The following MBD5 variants were observed in gnomAD, a reference collection of about 807,000 sequenced individuals.
MBD5 encodes the protein methyl-CpG-binding domain protein 5.
In MBD5, 13 loss-of-function variants were observed where a neutral mutation model predicts 117.3. The observed-to-expected ratio is 0.11, with a 90% CI of 0.07 to 0.18. The LOEUF (loss-of-function observed/expected upper bound fraction) is 0.18. Ranked by LOEUF, MBD5 falls within the 10% of genes least tolerant of loss-of-function variation. The pLI, the probability that MBD5 is intolerant of heterozygous loss-of-function variation, is 1.00. For missense variants in MBD5, 1,879 were observed against 2,093.8 expected, an observed-to-expected ratio of 0.90 and a Z score of 2.00; for synonymous variants, 727 against 766.4, an observed-to-expected ratio of 0.95 and a Z score of 0.85.
Position 148,070,106 on chromosome 2 carries a change from C to A in MBD5, c.-925+48422C>A, listed in dbSNP as rs188565903. Among the ~76,000 whole-genome samples, 39 of 152,324 alleles carry A rather than the reference C, an allele frequency of 2.6e-4. No individual in the cohort carries two copies. In the East Asian group the frequency reaches 6.9e-3, roughly 27 times the overall value. On this transcript the variant is annotated intron_variant, in intron 1 of 13. Transcript: ENST00000642680. Reference sequence around the variant, plus strand: ...CTTCATCCTCTCCATTCCCCCACCACAAACAGCCTACTTAGCCTCTGGTTA... The same window carrying A: ...CTTCATCCTCTCCATTCCCCCACCAAAAACAGCCTACTTAGCCTCTGGTTA...
chr2:148,294,230 T>G lies in MBD5; in HGVS notation c.-679-47984T>G, dbSNP rs1345288363. ...TTTTTTTTTTTTTTTTTTTTTTTTT[T>G]TTTTTTTTTTTTGAGACAGAGTCTT... On this transcript the variant is annotated intron_variant, in intron 3 of 13. Transcript: ENST00000642680. Among the ~76,000 whole-genome samples the G allele has an allele frequency of 7.6e-3, 237 of 31,204 alleles. 6 individuals carry two copies. Among genetic ancestry groups the G allele is most frequent in the Middle Eastern group, 0.021 (1 of 48 alleles). 20.5% of individuals were successfully genotyped at this position (31,204 alleles called of 152,430 possible).
chr2:148,222,059 A>G (rs1334863054), intron 2 of MBD5, among the ~76,000 whole-genome samples: 1 of 152,064 alleles, frequency 6.6e-6, no homozygotes, highest in Non-Finnish European at 1.5e-5. Context: ...GTTGAAAATG[A>G]GTTTACTGTA....
intron 2 of MBD5, among the ~76,000 whole-genome samples, chr2:148,225,914 A>C (rs1451346179): frequency 2.6e-5 from 4 of 152,238 alleles, no homozygotes; most frequent in Non-Finnish European, 5.9e-5. Context: ...CAATTATTAA[A>C]TGCCTTAGGG....
chr2:148,180,438 G>A (rs1698504210), intron 2 of MBD5, among the ~76,000 whole-genome samples: 2 of 150,028 alleles, frequency 1.3e-5, no homozygotes, highest in East Asian at 2.0e-4. Context: ...CTGGGCTCCA[G>A]CAATCCTCCC....
At chr2:148,215,724 T>G (rs1699537580) in intron 2 of MBD5, among the ~76,000 whole-genome samples, 1 of 151,110 alleles carries the variant, frequency 6.6e-6, no homozygotes, top group African/African-American at 2.4e-5. Flanking sequence ...AAACAAAGTT[T>G]TGCTATATCG....
intron 2 of MBD5, among the ~76,000 whole-genome samples, chr2:148,200,159 T>C (rs540515013): frequency 6.6e-6 from 1 of 152,210 alleles, no homozygotes; most frequent in East Asian, 1.9e-4. Context: ...CTATTTTAAA[T>C]TGCAGTCCCC....
rs374425990 is a variant in MBD5 at position 148,435,786 on chromosome 2, T to A, written c.-556-22417T>A. On this transcript the variant is annotated intron_variant, in intron 4 of 13. Coordinates refer to ENST00000642680, the MANE Select transcript of MBD5 (RefSeq NM_001378120.1). ...CATTTATTGAATTTGAATGTTGGCC[T>A]CTCTAGTGAGATTGGGAAAGTTTTC... Among the ~76,000 whole-genome samples, 19 of 152,312 alleles carry A rather than the reference T, an allele frequency of 1.2e-4. 2 individuals carry two copies. Among genetic ancestry groups the A allele is most frequent in the African/African-American group, 2.6e-4 (11 of 41,596 alleles).
chr2:148,139,882 A>G (rs139660429), intron 1 of MBD5, among the ~76,000 whole-genome samples: 224 of 152,328 alleles, frequency 1.5e-3, no homozygotes, highest in African/African-American at 5.0e-3. Flanking sequence ...CTGCTGCTCA[A>G]TAGTAATGGC....
At chr2:148,101,467 GA>G (rs910773100) in intron 1 of MBD5, among the ~76,000 whole-genome samples, 1 of 149,360 alleles carries the variant, frequency 6.7e-6, no homozygotes, top group Non-Finnish European at 1.5e-5. Flanking sequence ...GTCCCTAAAA[GA>G]AAAAAAAATC....
chr2:148,086,189 T>TTGTG lies in MBD5; in HGVS notation c.-925+64521_-925+64524dup, dbSNP rs35844154. Among the ~76,000 whole-genome samples, 360 of 149,898 alleles carry TTGTG rather than the reference T, an allele frequency of 2.4e-3. 3 individuals carry two copies. Among genetic ancestry groups the TTGTG allele is most frequent in the African/African-American group, 3.8e-3 (154 of 40,860 alleles). ...TATATATTTTATGTTTAAAATGTGT[T>TTGTG]TGTGTGTGTGTGTGTGTGTATGGTT... On this transcript the variant is annotated intron_variant, in intron 1 of 13. Transcript: ENST00000642680.
intron 1 of MBD5, among the ~76,000 whole-genome samples, chr2:148,048,772 T>A (rs1423411963): frequency 1.3e-5 from 2 of 152,128 alleles, no homozygotes; most frequent in African/African-American, 4.8e-5. Flanking sequence ...CAGGGGAAAC[T>A]CTGTGGTTGA....
intron 4 of MBD5, among the ~76,000 whole-genome samples, chr2:148,451,226 G>T (rs1706717854): frequency 6.6e-6 from 1 of 152,116 alleles, no homozygotes; most frequent in African/African-American, 2.4e-5. Flanking sequence ...AGAGTTATTG[G>T]ATCGCTTACA....
At chr2:148,208,035 G>A (rs1386574840) in intron 2 of MBD5, among the ~76,000 whole-genome samples, 1 of 152,086 alleles carries the variant, frequency 6.6e-6, no homozygotes, top group Non-Finnish European at 1.5e-5. Context: ...AATCCAGTGG[G>A]TCCAGTGTGT....
intron 4 of MBD5, among the ~76,000 whole-genome samples, chr2:148,445,012 T>C (rs1215072174): frequency 6.6e-6 from 1 of 151,250 alleles, no homozygotes; most frequent in Non-Finnish European, 1.5e-5. Context: ...CCTTGCTTGC[T>C]CCTTTGTCTC....
intron 3 of MBD5, among the ~76,000 whole-genome samples, chr2:148,306,484 C>T (rs1701898855): frequency 6.6e-6 from 1 of 151,862 alleles, no homozygotes; most frequent in African/African-American, 2.4e-5. Flanking sequence ...ACTATATTGC[C>T]ATAAAAATAA....
intron 2 of MBD5, among the ~76,000 whole-genome samples, chr2:148,218,458 A>G (rs1247081847): frequency 1.3e-5 from 2 of 152,210 alleles, no homozygotes; most frequent in Non-Finnish European, 2.9e-5. Flanking sequence ...CAAAGCACAG[A>G]GAGGTGCACA....
chr2:148,091,419 T>A (rs145149861), intron 1 of MBD5, among the ~76,000 whole-genome samples: 1 of 152,272 alleles, frequency 6.6e-6, no homozygotes, highest in East Asian at 1.9e-4. Flanking sequence ...ACTACAAGGC[T>A]ATAGTTACCA....
In MBD5 at chr2:148,469,032, T is replaced by C. The variant is rs1680693758; in HGVS notation, c.1089T>C (p.Pro363=). 6.2e-7 allele frequency: 1 copy of C among 1,613,782 alleles called. No homozygotes were observed. The change falls in exon 8 of 14, where the codon CCT becomes CCC. Residue 363 remains proline, a synonymous_variant. Coordinates refer to ENST00000642680, the MANE Select transcript of MBD5 (RefSeq NM_001378120.1). ...SEKDPLGILD[P]IPSKPVNQNP... The stretch of plus-strand genomic sequence containing the variant: ...AAGATCCACTTGGCATTCTTGACCC[T>C]ATTCCTAGTAAACCAGTGAATCAGA...
intron 3 of MBD5, among the ~76,000 whole-genome samples, chr2:148,270,059 CA>C (rs1457468591): frequency 6.6e-6 from 1 of 151,966 alleles, no homozygotes; most frequent in Non-Finnish European, 1.5e-5. Context: ...ATAAGTTTTT[CA>C]AAGTTATTTT....
Sources: allele counts gnomAD v4.1 joint callset (sites outside exome capture counted in the v4.1 genomes callset), GRCh38; gene constraint gnomAD v4.1.1; transcripts MANE v1.5; gene names NCBI Gene and HGNC (gene_info 2026-07-23, HGNC 2026-07-21).